The following CSPP1 variants were observed in gnomAD, a reference collection of about 807,000 sequenced individuals.
The protein encoded by CSPP1 is centrosome and spindle pole associated protein 1.
A neutral mutation model predicts 164.4 loss-of-function variants in CSPP1; 126 were observed. The observed-to-expected ratio is 0.77, with a 90% CI of 0.66 to 0.89. The LOEUF is 0.89. Among genes scored for constraint, CSPP1 ranks in the 40% least tolerant of loss-of-function variants. The pLI is 0.00. For synonymous variants in CSPP1, 472 were observed against 476.7 expected, an observed-to-expected ratio of 0.99 and a Z score of 0.13; for missense variants, 1,395 against 1,449.8, an observed-to-expected ratio of 0.96 and a Z score of 0.61.
intron 17 of CSPP1, among the ~76,000 whole-genome samples, chr8:67,141,727 G>C (rs1247823654): frequency 6.6e-6 from 1 of 152,134 alleles, no homozygotes; most frequent in Non-Finnish European, 1.5e-5. Flanking sequence ...CACCATGTTG[G>C]TGGTCTTGAA....
At chr8:67,158,661 G>A in intron 20 of CSPP1, 65 bp downstream of exon 20, 1 of 1,498,684 alleles carries the variant, frequency 6.7e-7, no homozygotes, top group Non-Finnish European at 8.9e-7. Flanking sequence ...GACTTGAAAA[G>A]GTATTTCTTA....
chr8:67,188,124 G>A (rs1835192695), intron 28 of CSPP1, among the ~76,000 whole-genome samples: 1 of 152,182 alleles, frequency 6.6e-6, no homozygotes, highest in African/African-American at 2.4e-5. Context: ...GAAATTATTT[G>A]CAAAAGACAT....
At chr8:67,164,739 G>C (rs1252370866) in intron 24 of CSPP1, among the ~76,000 whole-genome samples, 1 of 152,152 alleles carries the variant, frequency 6.6e-6, no homozygotes, top group African/African-American at 2.4e-5. Context: ...TTGCATTTTA[G>C]AACTGTTTTT....
At chr8:67,067,449 T>TTTTG (rs879464939) in intron 1 of CSPP1, among the ~76,000 whole-genome samples, 10 of 152,152 alleles carry the variant, frequency 6.6e-5, no homozygotes, top group East Asian at 5.8e-4. Context: ...GCTCTGTTTT[T>TTTTG]TTTGTTTGTT....
At chr8:67,159,954 C>CTT (rs1321127419) in intron 21 of CSPP1, among the ~76,000 whole-genome samples, 1,150 of 31,302 alleles carry the variant, frequency 0.037, 101 homozygotes, top group East Asian at 0.05. Flanking sequence ...TCCTTCCTTC[C>CTT]TTCTTTCTTT....
At chr8:67,132,383 G>A (rs1187850273) in intron 16 of CSPP1, among the ~76,000 whole-genome samples, 1 of 152,180 alleles carries the variant, frequency 6.6e-6, no homozygotes, top group Non-Finnish European at 1.5e-5. Flanking sequence ...GGGCTGGAGA[G>A]TTAGTTAGGT....
In CSPP1 at chr8:67,076,559, T is replaced by G; in HGVS notation, c.177T>G (p.Ser59Arg). 6.3e-7 allele frequency: 1 copy of G among 1,597,912 alleles called. No homozygotes were observed. The highest frequency in any genetic ancestry group is 1.1e-5 in the South Asian group (1 of 88,956). The change falls in exon 3 of 31, where the codon AGT (serine) becomes AGG (arginine). Residue 59 changes from serine to arginine, a missense_variant. Ser to Arg is a moderately radical substitution (Grantham distance 110, BLOSUM62 -1). Coordinates refer to ENST00000678616, the MANE Select transcript of CSPP1 (RefSeq NM_001382391.1). Reference sequence around the variant, plus strand: ...CTAAGGAAAACATACCACCAAATAGTCAACAGACCAGGGGTTCCTTAGGTA... The same window carrying G: ...CTAAGGAAAACATACCACCAAATAGGCAACAGACCAGGGGTTCCTTAGGTA... The part of the protein sequence containing the change: ...SMAKENIPPN[S>R]QQTRGSLGID...
chr8:67,138,171 T>C (rs1234187561), intron 17 of CSPP1, among the ~76,000 whole-genome samples: 1 of 152,218 alleles, frequency 6.6e-6, no homozygotes, highest in African/African-American at 2.4e-5. Flanking sequence ...ACACAACAAA[T>C]ACTTCGAAAG....
At chr8:67,192,590 T>C (rs1836677773) in intron 29 of CSPP1, among the ~76,000 whole-genome samples, 2 of 152,164 alleles carry the variant, frequency 1.3e-5, no homozygotes. Context: ...GTGTCTTAAT[T>C]AAGAAACCAT....
At chr8:67,178,481 T>C (rs1258568440) in intron 27 of CSPP1, among the ~76,000 whole-genome samples, 1 of 152,208 alleles carries the variant, frequency 6.6e-6, no homozygotes, top group African/African-American at 2.4e-5. Context: ...ACAGGTTACA[T>C]TCCAGAAGGA....
chr8:67,196,561 G>A lies in CSPP1; in HGVS notation c.*968G>A, dbSNP rs1481595122. On this transcript the variant is annotated 3_prime_UTR_variant, in exon 31 of 31. Transcript: ENST00000678616. ...TAATACTTCCTCTGATGTAATTAACGGTTGGTAGACAATATCAGACAAATT... is the reference window on the plus strand; with the variant it reads ...TAATACTTCCTCTGATGTAATTAACAGTTGGTAGACAATATCAGACAAATT... Among the ~76,000 whole-genome samples, 1 of 152,140 alleles carries A rather than the reference G, an allele frequency of 6.6e-6. No individual in the cohort carries two copies. The highest frequency in any genetic ancestry group is 1.5e-5 in the Non-Finnish European group (1 of 68,028).
At chr8:67,114,716 T>A (rs1817576792) in intron 12 of CSPP1, 1 of 152,200 alleles carries the variant, frequency 6.6e-6, no homozygotes. Context: ...CTAAATATAT[T>A]TTCCTTTATG....
chr8:67,129,363 A>T (rs1053575911), intron 15 of CSPP1, among the ~76,000 whole-genome samples: 9 of 152,158 alleles, frequency 5.9e-5, no homozygotes, highest in African/African-American at 2.2e-4. Flanking sequence ...AACTGATGTT[A>T]TTTGCAAAAT....
rs1446774465 is a variant in CSPP1 at position 67,190,766 on chromosome 8, A to C, written c.3330+7A>C. 6.3e-6 allele frequency: 10 copies of C among 1,585,596 alleles called. No individual in the cohort carries two copies. The highest frequency in any genetic ancestry group is 8.7e-6 in the Non-Finnish European group (10 of 1,153,960). ...ATGGAAAGGACTAGACATTGTATGTATGAGACTTTTCTCCCCCTTTTCAAC... is the reference window on the plus strand; with the variant it reads ...ATGGAAAGGACTAGACATTGTATGTCTGAGACTTTTCTCCCCCTTTTCAAC... On this transcript the variant is annotated splice_region_variant and intron_variant, in intron 29 of 30. Transcript: ENST00000678616.
At chr8:67,096,500 G>C (rs1175470088) in intron 7 of CSPP1, among the ~76,000 whole-genome samples, 2 of 151,966 alleles carry the variant, frequency 1.3e-5, no homozygotes, top group Admixed American at 1.3e-4. Flanking sequence ...GGGAGGCAGA[G>C]GTTGCAGTGA....
In CSPP1 at chr8:67,137,309, A is replaced by G. The variant is rs1000163355; in HGVS notation, c.1828-147A>G. Reference sequence around the variant, plus strand: ...AGTATTACATATATTTGTGATTTTAACCTTTGTAGGGGGGTACACTGGGGA... The same window carrying G: ...AGTATTACATATATTTGTGATTTTAGCCTTTGTAGGGGGGTACACTGGGGA... On this transcript the variant is annotated intron_variant, in intron 16 of 30. Coordinates refer to ENST00000678616, the MANE Select transcript of CSPP1 (RefSeq NM_001382391.1). 5 of 519,616 alleles carry G rather than the reference A, an allele frequency of 9.6e-6. No individual in the cohort carries two copies. In the African/African-American group the frequency reaches 9.9e-5, roughly 10 times the overall value. The allele number at this position is 519,616 out of a possible 1,614,324, so 32.2% of individuals were successfully genotyped here.
chr8:67,100,788 AATAT>A (rs111484403), intron 7 of CSPP1, among the ~76,000 whole-genome samples: 17,744 of 146,848 alleles, frequency 0.12, 2,066 homozygotes, highest in African/African-American at 0.3. Context: ...ATTATTAAAG[AATAT>A]ATATATATAT....
chr8:67,084,719 A>G (rs2129543262), intron 3 of CSPP1, among the ~76,000 whole-genome samples: 1 of 151,954 alleles, frequency 6.6e-6, no homozygotes, highest in Admixed American at 6.6e-5. Context: ...AGCCTAGGTA[A>G]CAGAGCGAGA....
intron 2 of CSPP1, among the ~76,000 whole-genome samples, chr8:67,075,689 A>G (rs549407477): frequency 1.4e-4 from 21 of 152,338 alleles, no homozygotes; most frequent in African/African-American, 5.1e-4. Flanking sequence ...TTTCTTCCAG[A>G]TAACCTGTCA....
Sources: allele counts gnomAD v4.1 joint callset (sites outside exome capture counted in the v4.1 genomes callset), GRCh38; gene constraint gnomAD v4.1.1; transcripts MANE v1.5; gene names NCBI Gene and HGNC (gene_info 2026-07-23, HGNC 2026-07-21).